Variants in ARHGAP15 observed in about 807,000 individuals in gnomAD.
ARHGAP15 encodes the protein Rho GTPase activating protein 15.
ARHGAP15 carries 51 observed loss-of-function variants against 63.7 expected under a neutral mutation model. The ratio of observed to expected loss-of-function variants is 0.80; its 90% CI spans 0.64 to 1.01. The LOEUF (loss-of-function observed/expected upper bound fraction) is 1.01. ARHGAP15 is among the 50% of genes least tolerant of loss of function. The pLI is 0.00. For synonymous variants in ARHGAP15, 191 were observed against 193.8 expected (o/e 0.99, Z 0.12); for missense variants, 560 against 564.6 (o/e 0.99, Z 0.08).
At chr2:143,235,576 G>T (rs1157837029) in intron 5 of ARHGAP15, among the ~76,000 whole-genome samples, 2 of 152,134 alleles carry the variant, frequency 1.3e-5, no homozygotes, top group Non-Finnish European at 2.9e-5. Context: ...ATCTGTCATG[G>T]CTATTGTTTT....
chr2:143,432,955 G>A (rs1028179943), intron 6 of ARHGAP15, among the ~76,000 whole-genome samples: 5 of 152,042 alleles, frequency 3.3e-5, no homozygotes, highest in Non-Finnish European at 2.9e-5. Flanking sequence ...CATCTGTCAC[G>A]GAGGCAAAAC....
intron 6 of ARHGAP15, among the ~76,000 whole-genome samples, chr2:143,387,007 T>G (rs1015978090): frequency 6.6e-6 from 1 of 151,814 alleles, no homozygotes; most frequent in African/African-American, 2.4e-5. Context: ...TACTTGAGGG[T>G]GGAGGCTGGG....
intron 9 of ARHGAP15, among the ~76,000 whole-genome samples, chr2:143,490,830 G>A (rs1452498316): frequency 6.6e-6 from 1 of 152,090 alleles, no homozygotes. Context: ...GTTTTGCCAT[G>A]TTGGCCAGGC....
chr2:143,501,077 A>G (rs921892458), intron 9 of ARHGAP15, among the ~76,000 whole-genome samples: 1 of 152,224 alleles, frequency 6.6e-6, no homozygotes, highest in African/African-American at 2.4e-5. Context: ...GGTTAACCTC[A>G]CAGTAAAGGA....
At chr2:143,160,403 G>A (rs1021257453) in intron 2 of ARHGAP15, among the ~76,000 whole-genome samples, 1 of 151,878 alleles carries the variant, frequency 6.6e-6, no homozygotes, top group African/African-American at 2.4e-5. Context: ...AAAAGCTGGA[G>A]GACAGTGGAG....
At chr2:143,532,659 C>T (rs957970694) in intron 10 of ARHGAP15, among the ~76,000 whole-genome samples, 2 of 152,082 alleles carry the variant, frequency 1.3e-5, no homozygotes, top group African/African-American at 4.8e-5. Context: ...AATTAGAGTA[C>T]CGCATGCAAA....
intron 6 of ARHGAP15, among the ~76,000 whole-genome samples, chr2:143,415,839 T>C (rs767878642): frequency 1.3e-4 from 20 of 152,058 alleles, no homozygotes; most frequent in African/African-American, 3.9e-4. Context: ...CTGGATGAGA[T>C]TGGAGACTAT....
intron 12 of ARHGAP15, among the ~76,000 whole-genome samples, chr2:143,687,680 T>A (rs1683410552): frequency 6.6e-6 from 1 of 152,238 alleles, no homozygotes; most frequent in Non-Finnish European, 1.5e-5. Context: ...TGAAGTGATT[T>A]GATCTGTGCA....
rs550223634 is a variant in ARHGAP15 at position 143,511,689 on chromosome 2, G to A, written c.827-7577G>A. ...AAGTTCATTAATGCTTGCCTGGAAA[G>A]CAGAATGCCTTTTCTCTCCCTCCCT... is the stretch of plus-strand genomic sequence containing the variant. On this transcript the variant is annotated intron_variant, in intron 9 of 13. Transcript: ENST00000295095. Among the ~76,000 whole-genome samples the A allele has an allele frequency of 2.0e-5, 3 of 152,250 alleles. No individual in the cohort carries two copies. The South Asian group carries it at 6.2e-4, about 32-fold the overall frequency.
chr2:143,225,549 G>A (rs1254881271), intron 4 of ARHGAP15, among the ~76,000 whole-genome samples: 2 of 152,150 alleles, frequency 1.3e-5, no homozygotes, highest in Non-Finnish European at 2.9e-5. Context: ...TTCAGTGAGC[G>A]GAGATTGCGC....
intron 12 of ARHGAP15, chr2:143,682,681 T>C (rs937722390): frequency 1.3e-5 from 2 of 152,212 alleles, no homozygotes; most frequent in Non-Finnish European, 2.9e-5. Context: ...TACTTACCAA[T>C]AGCTACATGA....
intron 6 of ARHGAP15, among the ~76,000 whole-genome samples, chr2:143,278,276 T>C (rs1204268203): frequency 2.0e-5 from 3 of 152,176 alleles, no homozygotes; most frequent in African/African-American, 7.2e-5. Flanking sequence ...GAAGGATTCT[T>C]TCTTATACCT....
chr2:143,404,567 C>T (rs1688121774), intron 6 of ARHGAP15, among the ~76,000 whole-genome samples: 1 of 151,686 alleles, frequency 6.6e-6, no homozygotes, highest in South Asian at 2.1e-4. Flanking sequence ...TGTGGGTTTC[C>T]TTTAGGTTAG....
intron 12 of ARHGAP15, among the ~76,000 whole-genome samples, chr2:143,672,645 C>T (rs2105351374): frequency 6.6e-6 from 1 of 152,326 alleles, no homozygotes; most frequent in Middle Eastern, 3.4e-3. Flanking sequence ...CCCAAAAAGA[C>T]AGTCCAGTAT....
chr2:143,735,162 A>G (rs1412657503), intron 13 of ARHGAP15, among the ~76,000 whole-genome samples: 1 of 152,232 alleles, frequency 6.6e-6, no homozygotes, highest in Non-Finnish European at 1.5e-5. Context: ...CTAAATATTT[A>G]TAAGCCATGG....
chr2:143,742,688 G>A (rs1686006153), intron 13 of ARHGAP15, among the ~76,000 whole-genome samples: 1 of 152,196 alleles, frequency 6.6e-6, no homozygotes, highest in African/African-American at 2.4e-5. Context: ...TGACTGAGGT[G>A]TTTTGCGTGC....
intron 6 of ARHGAP15, among the ~76,000 whole-genome samples, chr2:143,331,122 G>C (rs907775268): frequency 1.4e-4 from 22 of 152,278 alleles, no homozygotes; most frequent in Middle Eastern, 3.4e-3. Flanking sequence ...TCCCAACTAT[G>C]AGCCCACACA....
chr2:143,367,845 C>T lies in ARHGAP15; in HGVS notation c.475-67756C>T, dbSNP rs184353000. Among the ~76,000 whole-genome samples, 581 of 152,068 alleles carry T rather than the reference C, an allele frequency of 3.8e-3. 5 individuals carry two copies. The highest frequency in any genetic ancestry group is 0.013 in the African/African-American group (532 of 41,520). On this transcript the variant is annotated intron_variant, in intron 6 of 13. Coordinates refer to ENST00000295095, the MANE Select transcript of ARHGAP15 (RefSeq NM_018460.4). ...ATTCATTGTACTGCAATTTTCCGGC[C>T]ACCTTCTTTACAGCCATACTATAGG...
chr2:143,750,901 T>A (rs938816), intron 13 of ARHGAP15, among the ~76,000 whole-genome samples: 27,141 of 152,190 alleles, frequency 0.18, 2,898 homozygotes, highest in East Asian at 0.46. Flanking sequence ...ATCTCAGTTT[T>A]GCTGATAATT....
Sources: allele counts gnomAD v4.1 joint callset (sites outside exome capture counted in the v4.1 genomes callset), GRCh38; gene constraint gnomAD v4.1.1; transcripts MANE v1.5; gene names NCBI Gene and HGNC (gene_info 2026-07-23, HGNC 2026-07-21).